Variants in ELMOD3 observed in about 807,000 individuals in gnomAD.
ELMOD3 encodes the protein ELMO domain-containing protein 3.
Under a neutral mutation model 47.4 loss-of-function variants are expected in ELMOD3, and 36 were observed. The ratio of observed to expected loss-of-function variants is 0.76; its 90% confidence interval spans 0.58 to 1.00. The LOEUF (loss-of-function observed/expected upper bound fraction) is 1.00, where lower values mean the gene tolerates loss of function less well. Ranked by LOEUF, ELMOD3 falls within the 50% of genes least tolerant of loss-of-function variation. The pLI is 0.00. For missense variants in ELMOD3, 404 were observed against 463.8 expected (o/e 0.87, Z 1.18); for synonymous variants, 149 against 183.5 (o/e 0.81, Z 1.52).
chr2:85,380,847 A>G (rs765096960), intron 11 of ELMOD3, among the ~76,000 whole-genome samples: 41 of 152,174 alleles, frequency 2.7e-4, no homozygotes, highest in South Asian at 6.2e-4. Context: ...TTATAAAACC[A>G]CCTTCTAAAG....
intron 11 of ELMOD3, among the ~76,000 whole-genome samples, chr2:85,381,925 G>A (rs749131259): frequency 2.6e-5 from 4 of 151,760 alleles, no homozygotes; most frequent in Non-Finnish European, 5.9e-5. Flanking sequence ...AGACCATCCT[G>A]GCCAACACGG....
At position 85,371,122 on chromosome 2, in the gene ELMOD3, G is replaced by A. The variant is rs145555897; in HGVS notation, c.397G>A (p.Ala133Thr). ...GCCAACTATTCGAAGGACTGGGCTCGCCGCCCTCCGACACTACCTCTTCGG... is the reference window on the plus strand; with the variant it reads ...GCCAACTATTCGAAGGACTGGGCTCACCGCCCTCCGACACTACCTCTTCGG... ...IQPTIRRTGL[A>T]ALRHYLFGPP... The change falls in exon 9 of 14, where the codon GCC (alanine) becomes ACC (threonine). Residue 133 changes from alanine to threonine, a missense_variant. Physicochemically the swap from Ala to Thr is moderately conservative, Grantham distance 58. Transcript: ENST00000409013. The A allele has an allele frequency of 3.8e-4, 614 of 1,614,148 alleles. 2 individuals carry two copies. The African/African-American group carries it at 6.7e-3, about 18-fold the overall frequency.
intron 4 of ELMOD3, among the ~76,000 whole-genome samples, chr2:85,358,754 C>A (rs892010298): frequency 6.6e-6 from 1 of 151,404 alleles, no homozygotes; most frequent in African/African-American, 2.4e-5. Context: ...TGGCATAATA[C>A]ATTCACATGG....
Position 85,356,988 on chromosome 2 carries a change from A to G in ELMOD3, c.-211A>G. ...GCAGAGCTGAGGCTTCGAAGACCTC[A>G]GAGGACTTCTCTCAGCACTCACAGA... is the stretch of plus-strand genomic sequence containing the variant. On this transcript the variant is annotated 5_prime_UTR_variant, in exon 4 of 14. Transcript: ENST00000409013. The G allele has an allele frequency of 2.2e-6, 1 of 455,426 alleles. No individual in the cohort carries two copies. Among genetic ancestry groups the G allele is most frequent in the Non-Finnish European group, 3.9e-6 (1 of 256,890 alleles). 28.2% of individuals were successfully genotyped at this position (455,426 alleles called of 1,614,324 possible). A position where few individuals can be genotyped will look rare whatever the true frequency, so the allele number is the denominator to read the frequency against.
chr2:85,368,394 C>A, intron 6 of ELMOD3: 1 of 388,488 alleles, frequency 2.6e-6, no homozygotes, highest in Non-Finnish European at 4.8e-6. Flanking sequence ...TCATGTGGCC[C>A]CACTAAGTTC....
At chr2:85,378,084 G>C (rs781528827) in intron 11 of ELMOD3, among the ~76,000 whole-genome samples, 1 of 152,240 alleles carries the variant, frequency 6.6e-6, no homozygotes, top group Non-Finnish European at 1.5e-5. Flanking sequence ...GCTTGGACCA[G>C]TATAAGCATG....
At chr2:85,389,289 C>T (rs1349833525) in intron 11 of ELMOD3, among the ~76,000 whole-genome samples, 1 of 152,180 alleles carries the variant, frequency 6.6e-6, no homozygotes, top group Non-Finnish European at 1.5e-5. Context: ...GAGGTGCTCA[C>T]GATCAGCCAG....
Position 85,391,179 on chromosome 2 carries a change from G to C in ELMOD3, c.*217G>C. On this transcript the variant is annotated 3_prime_UTR_variant, in exon 14 of 14. Transcript: ENST00000409013. ...CCCCCTTCCCGCAGACCTGCCTCCA[G>C]AGCAAGGAGAATTCTGCCTTAATCT... The C allele has an allele frequency of 1.8e-6, 1 of 559,232 alleles. No individual in the cohort carries two copies. Among genetic ancestry groups the C allele is most frequent in the South Asian group, 2.1e-5 (1 of 46,860 alleles). 34.6% of individuals were successfully genotyped at this position (559,232 alleles called of 1,614,324 possible).
intron 6 of ELMOD3, among the ~76,000 whole-genome samples, chr2:85,366,646 A>G (rs768864840): frequency 3.3e-5 from 5 of 152,262 alleles, no homozygotes; most frequent in Non-Finnish European, 7.3e-5. Context: ...ACATACAGCT[A>G]GTAAGAGGCA....
intron 10 of ELMOD3, among the ~76,000 whole-genome samples, chr2:85,374,727 G>C (rs995009646): frequency 2.0e-5 from 3 of 152,164 alleles, no homozygotes; most frequent in South Asian, 2.1e-4. Flanking sequence ...CAGAAGGACT[G>C]CTTGAGCCCA....
intron 4 of ELMOD3, among the ~76,000 whole-genome samples, chr2:85,359,650 G>C (rs1005042076): frequency 2.0e-5 from 3 of 152,014 alleles, no homozygotes; most frequent in Non-Finnish European, 4.4e-5. Context: ...GGCTGGTCTT[G>C]AACTCCAGAC....
chr2:85,363,315 A>C, intron 6 of ELMOD3, 149 bp downstream of exon 6: 1 of 611,104 alleles, frequency 1.6e-6, no homozygotes, highest in Non-Finnish European at 2.9e-6. Flanking sequence ...TAGAATCAAC[A>C]CTGAATTAGG....
chr2:85,387,124 ATAT>A, intron 11 of ELMOD3: 1 of 1,301,376 alleles, frequency 7.7e-7, no homozygotes, highest in South Asian at 1.2e-5. Context: ...GGAAGGGATG[ATAT>A]TATGCAAGTA....
At chr2:85,368,069 C>T (rs879555601) in intron 6 of ELMOD3, among the ~76,000 whole-genome samples, 9 of 152,122 alleles carry the variant, frequency 5.9e-5, no homozygotes, top group Non-Finnish European at 1.3e-4. Context: ...TGCCACCACG[C>T]CCAGCTAATT....
At chr2:85,382,745 A>C (rs1420603901) in intron 11 of ELMOD3, among the ~76,000 whole-genome samples, 10 of 152,030 alleles carry the variant, frequency 6.6e-5, no homozygotes, top group African/African-American at 2.4e-4. Flanking sequence ...CGAACTCTGG[A>C]CCTCAGGTGA....
At chr2:85,390,331 G>C in intron 13 of ELMOD3, 66 bp downstream of exon 13, 2 of 1,614,122 alleles carry the variant, frequency 1.2e-6, no homozygotes, top group Non-Finnish European at 1.7e-6. Flanking sequence ...AGAGCCCAAG[G>C]TGGTTGCTAG....
intron 8 of ELMOD3, among the ~76,000 whole-genome samples, chr2:85,370,182 C>T (rs1004229176): frequency 2.0e-5 from 3 of 152,104 alleles, no homozygotes; most frequent in South Asian, 2.1e-4. Flanking sequence ...GAAAACCTTC[C>T]ATTCCCTCAA....
At chr2:85,380,806 T>C (rs1250077430) in intron 11 of ELMOD3, among the ~76,000 whole-genome samples, 1 of 152,228 alleles carries the variant, frequency 6.6e-6, no homozygotes, top group Non-Finnish European at 1.5e-5. Context: ...ATTACAGGCA[T>C]GAGCCACCAT....
rs543977829 is a variant in ELMOD3 at position 85,362,143 on chromosome 2, G to T, written c.55-43G>T. The T allele has an allele frequency of 3.2e-5, 36 of 1,142,540 alleles. No homozygotes were observed. In the South Asian group the frequency reaches 4.0e-4, roughly 13 times the overall value. 70.8% of individuals were successfully genotyped at this position (1,142,540 alleles called of 1,614,324 possible). ...GACATTTAAACTATTATCTTTGGGGGATTAATATGTGCCTAGGAGATTGAC... is the reference window on the plus strand; with the variant it reads ...GACATTTAAACTATTATCTTTGGGGTATTAATATGTGCCTAGGAGATTGAC... On this transcript the variant is annotated intron_variant, in intron 4 of 13. Transcript: ENST00000409013.
Sources: allele counts gnomAD v4.1 joint callset (sites outside exome capture counted in the v4.1 genomes callset), GRCh38; gene constraint gnomAD v4.1.1; transcripts MANE v1.5; gene names NCBI Gene and HGNC (gene_info 2026-07-23, HGNC 2026-07-21).